CREBBP: variants seen among roughly 807,000 people sequenced by gnomAD.
CREBBP encodes CREB-binding protein.
In CREBBP, 19 loss-of-function variants were observed where a neutral mutation model predicts 265.0. The observed-to-expected ratio is 0.07, with a 90% CI of 0.05 to 0.11. The LOEUF (loss-of-function observed/expected upper bound fraction) is 0.11, where lower values mean the gene tolerates loss of function less well. Ranked by LOEUF, CREBBP falls within the 10% of genes least tolerant of loss-of-function variation. The pLI is 1.00. For synonymous variants in CREBBP, 1,457 were observed against 1,223.7 expected (o/e 1.19, Z -3.98); for missense variants, 2,525 against 3,219.0 (o/e 0.78, Z 5.22).
At chr16:3,866,349 A>G (rs1188502721) in intron 1 of CREBBP, among the ~76,000 whole-genome samples, 1 of 152,194 alleles carries the variant, frequency 6.6e-6, no homozygotes, top group Non-Finnish European at 1.5e-5. Context: ...TTAAAAATGG[A>G]GCTTGTGACA....
intron 2 of CREBBP, among the ~76,000 whole-genome samples, chr16:3,845,000 G>A (rs1465202116): frequency 1.3e-5 from 2 of 152,120 alleles, no homozygotes; most frequent in African/African-American, 4.8e-5. Flanking sequence ...CTGTTAAAAT[G>A]TCACATCCCT....
At chr16:3,795,149 T>C (rs1474371884) in intron 3 of CREBBP, among the ~76,000 whole-genome samples, 13 of 152,160 alleles carry the variant, frequency 8.5e-5, no homozygotes, top group Non-Finnish European at 2.9e-5. Flanking sequence ...AAAGCAATTC[T>C]GAGAAGGACC....
chr16:3,751,687 C>T, intron 20 of CREBBP, 39 bp downstream of exon 20: 1 of 1,590,630 alleles, frequency 6.3e-7, no homozygotes, highest in Non-Finnish European at 8.6e-7. Context: ...TTAAGGTCAC[C>T]CTCCCTCACC....
Position 3,778,044 on chromosome 16 carries a change from C to G in CREBBP, c.2080G>C (p.Val694Leu). Reference sequence around the variant, plus strand: ...CTCACAGGTTGTGCCTGTGGAATCACAGGGGGCTGAGCCCCCGGGGCTGGT... The same window carrying G: ...CTCACAGGTTGTGCCTGTGGAATCAGAGGGGGCTGAGCCCCCGGGGCTGGT... ...ALPAPGAQPP[V>L]IPQAQPVRPP... The change falls in exon 10 of 31, where the codon GTG becomes CTG. Residue 694 changes from valine to leucine, a missense_variant. This residue lies in a region of CREBBP where 548 missense variants were observed against 533.0 expected (regional missense o/e 1.03). Coordinates refer to ENST00000262367, the MANE Select transcript of CREBBP (RefSeq NM_004380.3). 6.2e-7 allele frequency: 1 copy of G among 1,614,200 alleles called. No homozygotes were observed. Among genetic ancestry groups the G allele is most frequent in the Non-Finnish European group, 8.5e-7 (1 of 1,179,998 alleles).
At chr16:3,798,278 TTAC>T (rs1382677721) in intron 3 of CREBBP, among the ~76,000 whole-genome samples, 2 of 152,230 alleles carry the variant, frequency 1.3e-5, no homozygotes, top group Non-Finnish European at 2.9e-5. Context: ...AGGCAGTTTC[TTAC>T]TACGTCACCA....
chr16:3,818,607 A>C (rs951703864), intron 2 of CREBBP, among the ~76,000 whole-genome samples: 3 of 152,070 alleles, frequency 2.0e-5, no homozygotes, highest in African/African-American at 7.2e-5. Context: ...TACAGGCGTG[A>C]GCCACCGCAC....
In CREBBP at chr16:3,774,712, CG is replaced by C; in HGVS notation, c.2159-20del. The C allele has an allele frequency of 6.2e-7, 1 of 1,614,052 alleles. No homozygotes were observed. The highest frequency in any genetic ancestry group is 8.5e-7 in the Non-Finnish European group (1 of 1,179,978). On this transcript the variant is annotated intron_variant, in intron 11 of 30. Coordinates refer to ENST00000262367, the MANE Select transcript of CREBBP (RefSeq NM_004380.3). ...TTCATCCCTGTAAATGTACCCACAA[CG>C]GTTCATTAGGAAAAGCACCCACAGG...
intron 2 of CREBBP, among the ~76,000 whole-genome samples, chr16:3,845,715 G>A (rs150845638): frequency 6.2e-4 from 94 of 151,662 alleles, no homozygotes; most frequent in African/African-American, 2.1e-3. Flanking sequence ...GCAAAACCCC[G>A]TCTCCACAAA....
At chr16:3,819,657 T>C (rs1386057443) in intron 2 of CREBBP, among the ~76,000 whole-genome samples, 2 of 152,230 alleles carry the variant, frequency 1.3e-5, no homozygotes, top group African/African-American at 4.8e-5. Flanking sequence ...GAAAAGGCCA[T>C]TATTTTCTAA....
At chr16:3,738,083 G>GC (rs1251913019) in intron 26 of CREBBP, among the ~76,000 whole-genome samples, 1 of 151,634 alleles carries the variant, frequency 6.6e-6, no homozygotes, top group East Asian at 2.0e-4. Context: ...ACCGCGCCCG[G>GC]CCTTTTTTTT....
In CREBBP at chr16:3,748,963, C is replaced by G. The variant is rs539602622; in HGVS notation, c.3836+664G>C. Among the ~76,000 whole-genome samples, 106 of 152,160 alleles carry G rather than the reference C, an allele frequency of 7.0e-4. 1 individual carries two copies. The highest frequency in any genetic ancestry group is 2.3e-3 in the African/African-American group (97 of 41,512). ...GAGATCGAGACCATCCTGGCTAACA[C>G]AGTGAAACCCCGTCTCTACTAAAAA... On this transcript the variant is annotated intron_variant, in intron 21 of 30. Coordinates refer to ENST00000262367, the MANE Select transcript of CREBBP (RefSeq NM_004380.3).
Position 3,774,623 on chromosome 16 carries a change from T to A in CREBBP, c.2229A>T (p.Ala743=). ...QLPQAPMGPR[A]ASPMNHSVQM... is the part of the protein sequence containing the mutation. ...GGACAGAGTGGTTCATTGGGGAGGCTGCACGAGGTCCCATGGGTGCTTGTG... is the reference window on the plus strand; with the variant it reads ...GGACAGAGTGGTTCATTGGGGAGGCAGCACGAGGTCCCATGGGTGCTTGTG... The change falls in exon 12 of 31, where the codon GCA becomes GCT. Residue 743 remains alanine (A), a synonymous_variant. Coordinates refer to ENST00000262367, the MANE Select transcript of CREBBP (RefSeq NM_004380.3). 6.2e-7 allele frequency: 1 copy of A among 1,614,196 alleles called. No homozygotes were observed.
At chr16:3,751,461 G>A (rs1288155945) in intron 20 of CREBBP, among the ~76,000 whole-genome samples, 3 of 152,062 alleles carry the variant, frequency 2.0e-5, no homozygotes, top group Admixed American at 2.0e-4. Context: ...GTATGGTGGC[G>A]TGCACCTGTA....
At chr16:3,874,788 G>A (rs2141597076) in intron 1 of CREBBP, among the ~76,000 whole-genome samples, 1 of 152,294 alleles carries the variant, frequency 6.6e-6, no homozygotes, top group South Asian at 2.1e-4. Flanking sequence ...ACCATTTGTT[G>A]AGAAATACCT....
chr16:3,730,758 C>G (rs377614369), intron 30 of CREBBP, among the ~76,000 whole-genome samples: 2 of 152,176 alleles, frequency 1.3e-5, no homozygotes, highest in African/African-American at 4.8e-5. Flanking sequence ...CTGCCCTGCA[C>G]AGCCTGACTC....
At chr16:3,737,071 C>A (rs1374824872) in intron 26 of CREBBP, 3 of 561,596 alleles carry the variant, frequency 5.3e-6, no homozygotes, top group East Asian at 3.1e-5. Flanking sequence ...GCAAAAGAAA[C>A]CTGAGGCCTC....
At chr16:3,849,660 T>C (rs1036106623) in intron 2 of CREBBP, among the ~76,000 whole-genome samples, 1 of 150,600 alleles carries the variant, frequency 6.6e-6, no homozygotes, top group African/African-American at 2.4e-5. Flanking sequence ...CGTGAGTCAC[T>C]GTGTCCAGCA....
At chr16:3,762,361 CTTTTT>C (rs35125490) in intron 16 of CREBBP, among the ~76,000 whole-genome samples, 2 of 118,688 alleles carry the variant, frequency 1.7e-5, no homozygotes, top group Non-Finnish European at 3.4e-5. Flanking sequence ...ATTTTCTTTC[CTTTTT>C]TTTTTTTTTT....
chr16:3,789,455 C>T (rs1002209558), intron 5 of CREBBP, among the ~76,000 whole-genome samples: 1 of 152,210 alleles, frequency 6.6e-6, no homozygotes, highest in East Asian at 1.9e-4. Flanking sequence ...CAATTCTCCT[C>T]GAAAAGAATG....
Sources: allele counts gnomAD v4.1 joint callset (sites outside exome capture counted in the v4.1 genomes callset), GRCh38; gene constraint gnomAD v4.1.1; regional missense constraint gnomAD v4.1.1; transcripts MANE v1.5; gene names NCBI Gene and HGNC (gene_info 2026-07-23, HGNC 2026-07-21).